TRANK1: variants seen among roughly 807,000 people sequenced by gnomAD.
The protein encoded by TRANK1 is TPR and ankyrin repeat-containing protein 1.
A neutral mutation model predicts 266.0 loss-of-function variants in TRANK1; 198 were observed. The observed-to-expected ratio is 0.74, with a 90% CI of 0.66 to 0.84. The LOEUF (loss-of-function observed/expected upper bound fraction) is 0.84, where lower values mean the gene tolerates loss of function less well. TRANK1 is among the 40% of genes least tolerant of loss of function. TRANK1 has a pLI of 0.00. For synonymous variants in TRANK1, 1,396 were observed against 1,384.1 expected (o/e 1.01, Z -0.19); for missense variants, 3,326 against 3,634.6 (o/e 0.92, Z 2.18).
At chr3:36,900,358 T>C (rs1251489236) in intron 3 of TRANK1, among the ~76,000 whole-genome samples, 2 of 152,126 alleles carry the variant, frequency 1.3e-5, no homozygotes, top group East Asian at 1.9e-4. Flanking sequence ...ATGACAAACA[T>C]TGAGATTTAC....
intron 3 of TRANK1, among the ~76,000 whole-genome samples, chr3:36,901,811 G>A (rs1303605647): frequency 6.6e-6 from 1 of 152,142 alleles, no homozygotes; most frequent in Non-Finnish European, 1.5e-5. Flanking sequence ...GCTGCTGCAG[G>A]TTTGGCCAAT....
chr3:36,845,040 GA>G (rs993914243), intron 17 of TRANK1, among the ~76,000 whole-genome samples: 8 of 145,800 alleles, frequency 5.5e-5, no homozygotes, highest in African/African-American at 9.9e-5. Context: ...TGCAAATTAT[GA>G]AAAAAAAATA....
chr3:36,830,966 C>T lies in TRANK1; in HGVS notation c.8617G>A (p.Glu2873Lys), dbSNP rs748552409. ...ACCTTCTGCAGCATGTGGCTGTGCT[C>T]CTTGGAGCCCACGTGACTGTGGATC... ...VWIHSHVGSK[E>K]HSHMLQKVQE... The change falls in exon 22 of 24, where the codon GAG becomes AAG. Residue 2873 changes from glutamate to lysine, a missense_variant. Transcript: ENST00000645898. 3 of 1,614,008 alleles carry T rather than the reference C, an allele frequency of 1.9e-6. No individual in the cohort carries two copies. The highest frequency in any genetic ancestry group is 1.7e-5 in the Admixed American group (1 of 60,022).
intron 5 of TRANK1, among the ~76,000 whole-genome samples, chr3:36,893,691 C>G (rs1034287528): frequency 6.6e-6 from 1 of 152,186 alleles, no homozygotes; most frequent in African/African-American, 2.4e-5. Context: ...CACAGCACAT[C>G]TTGAGAAGCC....
At chr3:36,839,664 C>A (rs142986518) in intron 18 of TRANK1, among the ~76,000 whole-genome samples, 78 of 152,328 alleles carry the variant, frequency 5.1e-4, no homozygotes, top group African/African-American at 1.9e-3. Flanking sequence ...AAGAAGGGTT[C>A]CCACGCCTCT....
In TRANK1 at chr3:36,853,821, G is replaced by A. The variant is rs374908650; in HGVS notation, c.4549+1352C>T. 6.6e-4 allele frequency among the ~76,000 whole-genome samples: 100 copies of A among 152,322 alleles called. 1 individual carries two copies. In the South Asian group the frequency reaches 0.018, roughly 28 times the overall value. On this transcript the variant is annotated intron_variant, in intron 13 of 23. Coordinates refer to ENST00000645898, the MANE Select transcript of TRANK1 (RefSeq NM_001329998.2). ...TGAAATGTCCACAATAGGCAGATCCGTAGAAACAGAAAGATGAGTTGTCAC... is the reference window on the plus strand; with the variant it reads ...TGAAATGTCCACAATAGGCAGATCCATAGAAACAGAAAGATGAGTTGTCAC...
At chr3:36,834,596 C>T (rs1362264910) in intron 21 of TRANK1, 166 bp downstream of exon 21, 5 of 665,036 alleles carry the variant, frequency 7.5e-6, no homozygotes, top group Admixed American at 6.6e-5. Context: ...TAGAGTCCTG[C>T]TCTCAAAGAG....
rs563940564 is a variant in TRANK1 at position 36,838,322 on chromosome 3, T to C, written c.5517+50A>G. The C allele has an allele frequency of 3.1e-6, 5 of 1,606,736 alleles. No homozygotes were observed. The African/African-American group carries it at 5.4e-5, about 17-fold the overall frequency. On this transcript the variant is annotated intron_variant, in intron 20 of 23. Coordinates refer to ENST00000645898, the MANE Select transcript of TRANK1 (RefSeq NM_001329998.2). Reference sequence around the variant, plus strand: ...AGGTCGAGCCTACCCCTCAATCTGCTCAAGTGAAGCCCAGTTTTCCCTGGA... The same window carrying C: ...AGGTCGAGCCTACCCCTCAATCTGCCCAAGTGAAGCCCAGTTTTCCCTGGA...
chr3:36,850,516 C>T lies in TRANK1; in HGVS notation c.4887+1203G>A, dbSNP rs2078971766. Reference sequence around the variant, plus strand: ...GATAAAGGTGGCTCATGCTTATAATCTCAGCACTTCGGGAGGCCAAGGCAG... The same window carrying T: ...GATAAAGGTGGCTCATGCTTATAATTTCAGCACTTCGGGAGGCCAAGGCAG... On this transcript the variant is annotated intron_variant, in intron 15 of 23. Transcript: ENST00000645898. 8.1e-6 allele frequency: 8 copies of T among 985,210 alleles called. No homozygotes were observed. In the South Asian group the frequency reaches 3.8e-4, roughly 46 times the overall value. 61.0% of individuals were successfully genotyped at this position (985,210 alleles called of 1,614,324 possible). A position where few individuals can be genotyped will look rare whatever the true frequency, so the allele number is the denominator to read the frequency against.
Position 36,857,808 on chromosome 3 carries a change from GTTC to G in TRANK1, c.1911_1913del (p.Lys637del), listed in dbSNP as rs140627508. The G allele has an allele frequency of 1.1e-5, 18 of 1,613,956 alleles. No homozygotes were observed. Among genetic ancestry groups the G allele is most frequent in the Admixed American group, 1.7e-5 (1 of 60,032 alleles). Reference sequence around the variant, plus strand: ...TGTTCCAGGCCAAGAGCAGAGAGTCGTTCTTCTTAATCCGGTGCCGTGCATCTT... The same window carrying G: ...TGTTCCAGGCCAAGAGCAGAGAGTCGTTCTTAATCCGGTGCCGTGCATCTT... On this transcript the variant is annotated inframe_deletion, in exon 13 of 24. Transcript: ENST00000645898. This position sits in a 1 kb window ranked among gnomAD's most constrained non-coding sequence, Gnocchi z 4.3.
At chr3:36,886,904 A>ATT (rs11445289) in intron 8 of TRANK1, among the ~76,000 whole-genome samples, 24,942 of 117,504 alleles carry the variant, frequency 0.21, 3,359 homozygotes, top group East Asian at 0.52. Context: ...TTTTTGTTGG[A>ATT]TTTTTTTTTT....
chr3:36,844,560 T>C lies in TRANK1; in HGVS notation c.5191+1688A>G, dbSNP rs543652952. 2.5e-3 allele frequency among the ~76,000 whole-genome samples: 377 copies of C among 152,192 alleles called. 1 individual carries two copies. Among genetic ancestry groups the C allele is most frequent in the African/African-American group, 6.8e-3 (284 of 41,514 alleles). The stretch of plus-strand genomic sequence containing the variant: ...TCTTATAGTGGATGCCAGAACATAC[T>C]TGGGGAATAAAGGGGGATGAGCTGA... On this transcript the variant is annotated intron_variant, in intron 17 of 23. Transcript: ENST00000645898.
intron 7 of TRANK1, among the ~76,000 whole-genome samples, chr3:36,890,880 G>C (rs1207797884): frequency 1.3e-5 from 2 of 152,098 alleles, no homozygotes; most frequent in African/African-American, 4.8e-5. Flanking sequence ...TATAATCACA[G>C]GAACTAACTT....
In TRANK1 at chr3:36,827,950, T is replaced by G. The variant is rs548656673; in HGVS notation, c.*325A>C. 1.9e-4 allele frequency: 47 copies of G among 242,108 alleles called. No individual in the cohort carries two copies. The highest frequency in any genetic ancestry group is 1.0e-3 in the African/African-American group (47 of 44,888). The allele number at this position is 242,108 out of a possible 1,614,324, so 15.0% of individuals were successfully genotyped here. On this transcript the variant is annotated 3_prime_UTR_variant, in exon 24 of 24. Coordinates refer to ENST00000645898, the MANE Select transcript of TRANK1 (RefSeq NM_001329998.2). ...CCTAGTCCTCTGCTACCAACTCATG[T>G]CATGATGGGGATGAGCCAGACACCC... is the stretch of plus-strand genomic sequence containing the variant.
intron 2 of TRANK1, among the ~76,000 whole-genome samples, chr3:36,907,445 C>T (rs928656690): frequency 2.0e-5 from 3 of 151,078 alleles, no homozygotes; most frequent in Non-Finnish European, 1.5e-5. Flanking sequence ...CCACTCTACC[C>T]AGCAAATTTA....
intron 1 of TRANK1, among the ~76,000 whole-genome samples, chr3:36,910,984 T>C (rs1468728832): frequency 6.8e-6 from 1 of 147,142 alleles, no homozygotes; most frequent in Non-Finnish European, 1.5e-5. Context: ...GCAGGAGAAT[T>C]GCTTGAACCC....
At position 36,899,122 on chromosome 3, in the gene TRANK1, GAAGACTCCAAC is replaced by G; in HGVS notation, c.409_419del (p.Val137HisfsTer6). The G allele has an allele frequency of 6.5e-7, 1 of 1,537,250 alleles. No homozygotes were observed. The highest frequency in any genetic ancestry group is 1.2e-5 in the South Asian group (1 of 84,068). ...GTTCCAACTTACTGCTCATAGTGGT[GAAGACTCCAAC>G]AAGGAAATCAGCAACCGGTGCCTGG... is the stretch of plus-strand genomic sequence containing the variant. On this transcript the variant is annotated frameshift_variant, in exon 4 of 24. Transcript: ENST00000645898. LOFTEE classifies it high-confidence loss of function.
At position 36,864,301 on chromosome 3, in the gene TRANK1, C is replaced by T. The variant is rs767870773; in HGVS notation, c.1240+18G>A. 2.4e-5 allele frequency: 36 copies of T among 1,486,860 alleles called. No homozygotes were observed. Among genetic ancestry groups the T allele is most frequent in the African/African-American group, 5.7e-5 (4 of 70,560 alleles). The allele number at this position is 1,486,860 out of a possible 1,614,324, so 92.1% of individuals were successfully genotyped here. On this transcript the variant is annotated intron_variant, in intron 10 of 23. Coordinates refer to ENST00000645898, the MANE Select transcript of TRANK1 (RefSeq NM_001329998.2). The stretch of plus-strand genomic sequence containing the variant: ...ATAAATCATTTTTAACATCATTGAA[C>T]GTTGTGGAAAAAATTACCTTGCAGA...
chr3:36,899,203 A>G lies in TRANK1; in HGVS notation c.339T>C (p.Ala113=). 6.5e-7 allele frequency: 1 copy of G among 1,537,324 alleles called. No homozygotes were observed. Among genetic ancestry groups the G allele is most frequent in the Non-Finnish European group, 8.7e-7 (1 of 1,146,938 alleles). ...LLRLHQPYEA[A]RMFFEGLRLV... ...GTCGCAGACCCTCAAAAAACATGCG[A>G]GCGGCTTCGTAAGGCTGGTGCAACC... Residue 113 remains alanine (A), a synonymous_variant, in exon 4 of 24, where the codon GCT becomes GCC. Coordinates refer to ENST00000645898, the MANE Select transcript of TRANK1 (RefSeq NM_001329998.2).
Sources: allele counts gnomAD v4.1 joint callset (sites outside exome capture counted in the v4.1 genomes callset), GRCh38; gene constraint gnomAD v4.1.1; non-coding constraint Gnocchi (gnomAD v3.1); transcripts MANE v1.5; gene names NCBI Gene and HGNC (gene_info 2026-07-23, HGNC 2026-07-21).